CCSER1: variants seen among roughly 807,000 people sequenced by gnomAD.
The protein encoded by CCSER1 is coiled-coil serine rich protein 1.
Under a neutral mutation model 82.0 loss-of-function variants are expected in CCSER1, and 41 were observed. That is an observed-to-expected ratio of 0.50 (90% confidence interval 0.39 to 0.65). The LOEUF (loss-of-function observed/expected upper bound fraction) is 0.65, where lower values mean the gene tolerates loss of function less well. Ranked by LOEUF, CCSER1 falls within the 30% of genes least tolerant of loss-of-function variation. CCSER1 has a pLI of 0.00. For synonymous variants in CCSER1, 414 were observed against 383.9 expected (o/e 1.08, Z -0.92); for missense variants, 1,119 against 1,064.2 (o/e 1.05, Z -0.72).
intron 7 of CCSER1, among the ~76,000 whole-genome samples, chr4:90,779,007 C>T (rs991964839): frequency 1.3e-5 from 2 of 152,102 alleles, no homozygotes; most frequent in African/African-American, 4.8e-5. Context: ...TTCTCACTTC[C>T]TCTCTTCCAA....
chr4:91,331,683 G>A (rs1220510161), intron 10 of CCSER1, among the ~76,000 whole-genome samples: 2 of 152,024 alleles, frequency 1.3e-5, no homozygotes, highest in South Asian at 2.1e-4. Flanking sequence ...GATGTGTTTT[G>A]AGCGTTGATT....
intron 6 of CCSER1, among the ~76,000 whole-genome samples, chr4:90,718,811 T>C (rs761415818): frequency 6.6e-6 from 1 of 152,200 alleles, no homozygotes; most frequent in Non-Finnish European, 1.5e-5. Flanking sequence ...AGTTTTATAT[T>C]TACAGAAAAT....
chr4:90,141,205 A>G (rs1415964882), intron 1 of CCSER1, among the ~76,000 whole-genome samples: 1 of 152,166 alleles, frequency 6.6e-6, no homozygotes, highest in African/African-American at 2.4e-5. Flanking sequence ...TCCAGCAAAC[A>G]TCAGTTTTTA....
intron 1 of CCSER1, among the ~76,000 whole-genome samples, chr4:90,265,946 A>G (rs1395812198): frequency 6.6e-6 from 1 of 152,142 alleles, no homozygotes; most frequent in Non-Finnish European, 1.5e-5. Context: ...GCCTTCAGAT[A>G]TTTTGCACCA....
intron 9 of CCSER1, among the ~76,000 whole-genome samples, chr4:91,078,500 T>C (rs768207754): frequency 1.3e-5 from 2 of 152,130 alleles, no homozygotes; most frequent in Non-Finnish European, 2.9e-5. Context: ...AGCTGAAAAT[T>C]CTAAAAATCA....
chr4:90,194,467 A>G (rs1190893919), intron 1 of CCSER1, among the ~76,000 whole-genome samples: 3 of 152,050 alleles, frequency 2.0e-5, no homozygotes, highest in Non-Finnish European at 4.4e-5. Context: ...TACTTCAGTG[A>G]TGATAGGTTT....
chr4:90,892,166 A>C (rs1036546462), intron 8 of CCSER1, among the ~76,000 whole-genome samples: 1 of 152,110 alleles, frequency 6.6e-6, no homozygotes, highest in African/African-American at 2.4e-5. Context: ...ACAAAATCTG[A>C]AGTTGAGAAT....
intron 5 of CCSER1, among the ~76,000 whole-genome samples, chr4:90,573,107 C>T (rs1006264826): frequency 6.6e-6 from 1 of 152,224 alleles, no homozygotes; most frequent in Non-Finnish European, 1.5e-5. Flanking sequence ...AAACTCAGTG[C>T]GCCTGTAGTG....
At chr4:91,144,929 A>C (rs1350900317) in intron 10 of CCSER1, among the ~76,000 whole-genome samples, 1 of 151,990 alleles carries the variant, frequency 6.6e-6, no homozygotes, top group Non-Finnish European at 1.5e-5. Context: ...GAGAACATAC[A>C]TTGTTTGATT....
At chr4:91,401,550 C>T (rs1752333856) in intron 10 of CCSER1, among the ~76,000 whole-genome samples, 1 of 151,928 alleles carries the variant, frequency 6.6e-6, no homozygotes, top group South Asian at 2.1e-4. Context: ...CGTCCCCCCT[C>T]CCCCAACCCC....
At chr4:91,022,934 C>A (rs1357324785) in intron 9 of CCSER1, among the ~76,000 whole-genome samples, 1 of 152,062 alleles carries the variant, frequency 6.6e-6, no homozygotes, top group African/African-American at 2.4e-5. Flanking sequence ...GAGTAGATTG[C>A]AAAAATTTTC....
chr4:90,480,925 G>A (rs1231525650), intron 5 of CCSER1, among the ~76,000 whole-genome samples: 1 of 152,146 alleles, frequency 6.6e-6, no homozygotes, highest in Non-Finnish European at 1.5e-5. Context: ...AAAGTCAGTG[G>A]TAGCTTGATG....
intron 10 of CCSER1, among the ~76,000 whole-genome samples, chr4:91,263,409 G>C (rs568538860): frequency 6.6e-6 from 1 of 151,944 alleles, no homozygotes; most frequent in South Asian, 2.1e-4. Flanking sequence ...TTCTTTATCT[G>C]TCTACAGAAA....
chr4:91,158,916 C>T (rs530238896), intron 10 of CCSER1, among the ~76,000 whole-genome samples: 1 of 152,054 alleles, frequency 6.6e-6, no homozygotes, highest in South Asian at 2.1e-4. Context: ...ATCTCAAAAA[C>T]ATCACTCCCT....
intron 7 of CCSER1, chr4:90,727,319 A>C: frequency 2.2e-6 from 1 of 455,406 alleles, no homozygotes; most frequent in Non-Finnish European, 4.4e-6. Flanking sequence ...ATGTTATCAA[A>C]CATCAACAAC....
At chr4:90,813,707 C>A (rs1758637968) in intron 7 of CCSER1, among the ~76,000 whole-genome samples, 1 of 152,180 alleles carries the variant, frequency 6.6e-6, no homozygotes, top group Admixed American at 6.5e-5. Context: ...GAGGCCTCCC[C>A]ATCCATGTGA....
chr4:90,149,384 T>C lies in CCSER1; in HGVS notation c.-42+21553T>C, dbSNP rs372654689. Among the ~76,000 whole-genome samples the C allele has an allele frequency of 5.3e-5, 8 of 152,118 alleles. No homozygotes were observed. The East Asian group carries it at 1.6e-3, about 30-fold the overall frequency. On this transcript the variant is annotated intron_variant, in intron 1 of 10. Coordinates refer to ENST00000509176, the MANE Select transcript of CCSER1 (RefSeq NM_001145065.2). ...TTGTTGCTGTTTTCAGGCAAAGCCA[T>C]TTCATTGCCCTTTGAAGAACAATGG...
chr4:91,221,686 A>T (rs1361390492), intron 10 of CCSER1, among the ~76,000 whole-genome samples: 2 of 152,158 alleles, frequency 1.3e-5, no homozygotes, highest in African/African-American at 2.4e-5. Context: ...TTTCAGTCAT[A>T]AGTTTAAAAT....
At chr4:91,100,779 T>A (rs1581554470) in intron 10 of CCSER1, among the ~76,000 whole-genome samples, 1 of 152,212 alleles carries the variant, frequency 6.6e-6, no homozygotes, top group Admixed American at 6.5e-5. Flanking sequence ...ATTTTGAAGA[T>A]CTCTTCTATG....
Sources: allele counts gnomAD v4.1 joint callset (sites outside exome capture counted in the v4.1 genomes callset), GRCh38; gene constraint gnomAD v4.1.1; transcripts MANE v1.5; gene names NCBI Gene and HGNC (gene_info 2026-07-23, HGNC 2026-07-21).